Variants in ASPG observed in about 807,000 individuals in gnomAD.
The protein encoded by ASPG is 60 kDa lysophospholipase.
In ASPG, 53 loss-of-function variants were observed where a neutral mutation model predicts 63.2. That is an observed-to-expected ratio of 0.84 (90% CI 0.67 to 1.05). The LOEUF (loss-of-function observed/expected upper bound fraction) is 1.05. Ranked by LOEUF, ASPG falls within the 50% of genes least tolerant of loss-of-function variation. The pLI is 0.00. For missense variants in ASPG, 741 were observed against 794.4 expected (o/e 0.93, Z 0.81); for synonymous variants, 370 against 355.0 (o/e 1.04, Z -0.48).
chr14:104,091,957 C>T lies in ASPG; in HGVS notation c.83-676C>T, dbSNP rs986523799. 6.6e-6 allele frequency among the ~76,000 whole-genome samples: 1 copy of T among 151,958 alleles called. No homozygotes were observed. The highest frequency in any genetic ancestry group is 1.5e-5 in the Non-Finnish European group (1 of 68,024). ...CCATTTAAGGGACAGAACTGAGATGCAGAGGCTGCAGGAAGGTGGCAGAGT... is the reference window on the plus strand; with the variant it reads ...CCATTTAAGGGACAGAACTGAGATGTAGAGGCTGCAGGAAGGTGGCAGAGT... On this transcript the variant is annotated intron_variant, in intron 1 of 15. Coordinates refer to ENST00000551177, the MANE Select transcript of ASPG (RefSeq NM_001080464.3). This position sits in a 1 kb window ranked among gnomAD's most constrained non-coding sequence, Gnocchi z 6.4.
chr14:104,092,518 C>A, intron 1 of ASPG, 115 bp from the exon 2 acceptor site: 1 of 866,598 alleles, frequency 1.2e-6, no homozygotes, highest in Non-Finnish European at 1.8e-6. Context: ...CAGCCTCTGA[C>A]TGTCATAAGA....
At position 104,097,446 on chromosome 14, in the gene ASPG, C is replaced by T. The variant is rs1167611793; in HGVS notation, c.430-108C>T. 1.7e-5 allele frequency: 19 copies of T among 1,126,082 alleles called. No individual in the cohort carries two copies. The East Asian group carries it at 1.9e-4, about 11-fold the overall frequency. 69.8% of individuals were successfully genotyped at this position (1,126,082 alleles called of 1,614,324 possible). On this transcript the variant is annotated intron_variant, in intron 4 of 15. Transcript: ENST00000551177. ...CGCCTGTCCTTCTCTTTCCCACACC[C>T]GCCTGGGGCTCCTGGGCTGGGCCTG...
At chr14:104,108,022 G>A (rs2037216097) in intron 12 of ASPG, among the ~76,000 whole-genome samples, 1 of 152,190 alleles carries the variant, frequency 6.6e-6, no homozygotes, top group Non-Finnish European at 1.5e-5. Context: ...TTTTCGGGGA[G>A]GGAGTGCTCA....
intron 1 of ASPG, 73 bp downstream of exon 1, chr14:104,085,925 C>A (rs1378425090): frequency 8.7e-6 from 12 of 1,386,136 alleles, no homozygotes; most frequent in Non-Finnish European, 1.2e-5. Flanking sequence ...CCTCCTGCAC[C>A]CACGGGGGTC....
At chr14:104,094,221 G>C (rs1048919866) in intron 3 of ASPG, among the ~76,000 whole-genome samples, 5 of 151,986 alleles carry the variant, frequency 3.3e-5, no homozygotes, top group Admixed American at 6.5e-5. Context: ...GTCTTAGCCT[G>C]TCCCAGTTAG....
rs368936317 is a variant in ASPG, at chr14:104,109,332, C to A, written c.1520+17C>A. ...GCTGTGCAGGTGAGTGCAGCTAGAG[C>A]ACCTGCTCTTCCAGGGATGTGGGGG... On this transcript the variant is annotated intron_variant, in intron 13 of 15. Coordinates refer to ENST00000551177, the MANE Select transcript of ASPG (RefSeq NM_001080464.3). The surrounding 1 kb of genome is among the most constrained non-coding windows in gnomAD (Gnocchi z 4.8). 29 of 1,593,870 alleles carry A rather than the reference C, an allele frequency of 1.8e-5. No homozygotes were observed. Among genetic ancestry groups the A allele is most frequent in the Middle Eastern group, 1.7e-4 (1 of 6,038 alleles).
Position 104,105,558 on chromosome 14 carries a change from CCAAA to C in ASPG, c.1173+111_1173+114del, listed in dbSNP as rs1396794066. On this transcript the variant is annotated intron_variant, in intron 10 of 15. Coordinates refer to ENST00000551177, the MANE Select transcript of ASPG (RefSeq NM_001080464.3). ...GAGCCCCTGTAGCCATCACTCGAGCCCAAACAGTTAGGCACACCCGGGTTCTGGG... is the reference window on the plus strand; with the variant it reads ...GAGCCCCTGTAGCCATCACTCGAGCCCAGTTAGGCACACCCGGGTTCTGGG... 56 of 1,409,358 alleles carry C rather than the reference CCAAA, an allele frequency of 4.0e-5. No individual in the cohort carries two copies. The Middle Eastern group carries it at 7.8e-4, about 20-fold the overall frequency. 87.3% of individuals were successfully genotyped at this position (1,409,358 alleles called of 1,614,324 possible).
Position 104,085,778 on chromosome 14 carries a change from G to A in ASPG, c.8G>A (p.Arg3His). MA[R>H]AVGPERRLLA... ...CGTGGTCCCCGGTCCGGCATGGCGC[G>A]CGCGGTGGGGCCCGAGCGGAGGCTG... The change falls in exon 1 of 16, where the codon CGC (arginine) becomes CAC (histidine). Residue 3 changes from arginine (R) to histidine (H), a missense_variant. By Grantham distance (29) the Arg-to-His change is conservative. Transcript: ENST00000551177. 1 of 1,582,286 alleles carries A rather than the reference G, an allele frequency of 6.3e-7. No homozygotes were observed. The highest frequency in any genetic ancestry group is 8.5e-7 in the Non-Finnish European group (1 of 1,171,688).
chr14:104,097,826 A>G lies in ASPG; in HGVS notation c.513+189A>G, dbSNP rs148973607. ...CGTATGGAAGTTCTACGTTAGAGAT[A>G]CGTATGGAGGTTCTGCGTTAGAGAT... On this transcript the variant is annotated intron_variant, in intron 5 of 15. Transcript: ENST00000551177. Among the ~76,000 whole-genome samples, 415 of 149,048 alleles carry G rather than the reference A, an allele frequency of 2.8e-3. 2 individuals carry two copies. The highest frequency in any genetic ancestry group is 4.9e-3 in the African/African-American group (193 of 39,746).
Position 104,110,490 on chromosome 14 carries a change from G to A in ASPG, c.1521-1012G>A, listed in dbSNP as rs1279850618. ...GAGCTGGGACCAGAACCCTGGTCCA[G>A]GACTCTGCTTGGAAGTGGCCTGGCC... On this transcript the variant is annotated intron_variant, in intron 13 of 15. Coordinates refer to ENST00000551177, the MANE Select transcript of ASPG (RefSeq NM_001080464.3). The surrounding 1 kb of genome is among the most constrained non-coding windows in gnomAD (Gnocchi z 4.7). 1 of 985,218 alleles carries A rather than the reference G, an allele frequency of 1.0e-6. No individual in the cohort carries two copies. Among genetic ancestry groups the A allele is most frequent in the Non-Finnish European group, 1.2e-6 (1 of 829,894 alleles). The allele number at this position is 985,218 out of a possible 1,614,324, so 61.0% of individuals were successfully genotyped here.
In ASPG at chr14:104,111,562, G is replaced by C. The variant is rs1313181130; in HGVS notation, c.1581G>C (p.Leu527=). Residue 527 remains leucine, a synonymous_variant, in exon 14 of 16, where the codon CTG becomes CTC. Coordinates refer to ENST00000551177, the MANE Select transcript of ASPG (RefSeq NM_001080464.3). ...TGTGGTGGCAGGCAGGGGCTGACCT[G>C]GGGCAGCCGGGCTATGACGGGCACA... ...LQVWWQAGAD[L]GQPGYDGHSA... 6.4e-7 allele frequency: 1 copy of C among 1,551,694 alleles called. No individual in the cohort carries two copies. The highest frequency in any genetic ancestry group is 1.4e-5 in the African/African-American group (1 of 73,208).
At chr14:104,107,428 C>A in intron 12 of ASPG, 83 bp downstream of exon 12, 1 of 1,269,734 alleles carries the variant, frequency 7.9e-7, no homozygotes, top group Middle Eastern at 2.8e-4. Flanking sequence ...AACAGCCTCC[C>A]GGGGCTGGGC....
intron 1 of ASPG, among the ~76,000 whole-genome samples, chr14:104,086,443 C>T (rs557240242): frequency 1.2e-3 from 176 of 152,316 alleles, no homozygotes; most frequent in Middle Eastern, 3.4e-3. Context: ...CCAGCGATTG[C>T]GTCTGGACTG....
chr14:104,112,744 T>A lies in ASPG; in HGVS notation c.*200T>A. On this transcript the variant is annotated 3_prime_UTR_variant, in exon 16 of 16. Transcript: ENST00000551177. ...TACAGCCTGGCTCTGAGAGGCTCTG[T>A]CTGGGTCCGGGACTGTGGATGTGTG... is the stretch of plus-strand genomic sequence containing the variant. 2 of 1,272,498 alleles carry A rather than the reference T, an allele frequency of 1.6e-6. No individual in the cohort carries two copies. Among genetic ancestry groups the A allele is most frequent in the Non-Finnish European group, 1.1e-6 (1 of 930,328 alleles). The allele number at this position is 1,272,498 out of a possible 1,614,324, so 78.8% of individuals were successfully genotyped here. A position where few individuals can be genotyped will look rare whatever the true frequency, so the allele number is the denominator to read the frequency against.
At chr14:104,092,254 G>A (rs949203065) in intron 1 of ASPG, among the ~76,000 whole-genome samples, 5 of 152,210 alleles carry the variant, frequency 3.3e-5, no homozygotes, top group Admixed American at 6.5e-5. Context: ...AGAGCCCACA[G>A]TATATCCACA....
intron 1 of ASPG, among the ~76,000 whole-genome samples, chr14:104,086,193 G>T (rs1447615780): frequency 6.6e-6 from 1 of 152,162 alleles, no homozygotes; most frequent in Non-Finnish European, 1.5e-5. Context: ...TTGGCCTGCC[G>T]CTCCTGCTCT....
chr14:104,095,677 C>A, intron 4 of ASPG, 21 bp downstream of exon 4: 2 of 1,611,730 alleles, frequency 1.2e-6, no homozygotes, highest in South Asian at 1.1e-5. Flanking sequence ...GGGCCCGGGG[C>A]TCCTAGGAAC....
chr14:104,088,474 G>A (rs2036279103), intron 1 of ASPG, among the ~76,000 whole-genome samples: 1 of 152,182 alleles, frequency 6.6e-6, no homozygotes, highest in Admixed American at 6.5e-5. Context: ...GTACACCCGA[G>A]AAACTTGAAG....
chr14:104,107,073 C>T (rs2037163309), intron 11 of ASPG, 109 bp from the exon 12 acceptor site: 11 of 1,403,990 alleles, frequency 7.8e-6, no homozygotes, highest in Middle Eastern at 2.3e-4. Context: ...TGAGGGTGGG[C>T]GCAGGGGCTG....
Sources: allele counts gnomAD v4.1 joint callset (sites outside exome capture counted in the v4.1 genomes callset), GRCh38; gene constraint gnomAD v4.1.1; non-coding constraint Gnocchi (gnomAD v3.1); transcripts MANE v1.5; gene names NCBI Gene and HGNC (gene_info 2026-07-23, HGNC 2026-07-21).